EPAS1: variants seen among roughly 807,000 people sequenced by gnomAD.
EPAS1 encodes endothelial PAS domain-containing protein 1.
EPAS1 carries 23 observed loss-of-function variants against 87.9 expected under a neutral mutation model. The ratio of observed to expected loss-of-function variants is 0.26; its 90% CI spans 0.19 to 0.37. The LOEUF (loss-of-function observed/expected upper bound fraction) is 0.37. Among genes scored for constraint, EPAS1 ranks in the 10% least tolerant of loss-of-function variants. The probability of loss-of-function intolerance (pLI) is 1.00; values close to 1 mark genes in which losing one functional copy is unlikely to be tolerated. For missense variants in EPAS1, 1,138 were observed against 1,120.7 expected, an observed-to-expected ratio of 1.02 and a Z score of -0.22; for synonymous variants, 508 against 444.3, an observed-to-expected ratio of 1.14 and a Z score of -1.80.
chr2:46,336,089 G>A (rs139754257), intron 1 of EPAS1, among the ~76,000 whole-genome samples: 26 of 152,316 alleles, frequency 1.7e-4, no homozygotes, highest in Non-Finnish European at 2.9e-4. Context: ...CAGCTGCAGC[G>A]CCTGGGAGAG....
chr2:46,297,766 G>T lies in EPAS1; in HGVS notation c.-146G>T, dbSNP rs1682909637. The T allele has an allele frequency of 7.1e-6, 8 of 1,124,676 alleles. No homozygotes were observed. The allele number at this position is 1,124,676 out of a possible 1,614,324, so 69.7% of individuals were successfully genotyped here. A position where few individuals can be genotyped will look rare whatever the true frequency, so the allele number is the denominator to read the frequency against. On this transcript the variant is annotated 5_prime_UTR_variant, in exon 1 of 16. Coordinates refer to ENST00000263734, the MANE Select transcript of EPAS1 (RefSeq NM_001430.5). ...GCCCGCCGCGCGCCACCTTCCACCT[G>T]ACTGCGCGGGGCGCTCGGGACCTGC...
intron 1 of EPAS1, among the ~76,000 whole-genome samples, chr2:46,312,749 T>C (rs1236767237): frequency 6.6e-6 from 1 of 152,214 alleles, no homozygotes; most frequent in Non-Finnish European, 1.5e-5. Context: ...TTTTTGCCCA[T>C]ACCCTGAGAT....
chr2:46,378,807 T>C, intron 11 of EPAS1, 40 bp downstream of exon 11: 1 of 1,530,642 alleles, frequency 6.5e-7, no homozygotes, highest in Non-Finnish European at 9.1e-7. Flanking sequence ...GTGTGCCTGC[T>C]GTCTGGTGGA....
chr2:46,334,410 G>A (rs111702633), intron 1 of EPAS1, among the ~76,000 whole-genome samples: 2 of 151,974 alleles, frequency 1.3e-5, no homozygotes, highest in African/African-American at 4.8e-5. Context: ...CCTGTCTCCC[G>A]ACCACTGGCA....
chr2:46,376,888 C>T, intron 9 of EPAS1, 135 bp downstream of exon 9: 1 of 879,584 alleles, frequency 1.1e-6, no homozygotes, highest in Non-Finnish European at 1.8e-6. Flanking sequence ...TGTTAATCAC[C>T]TGTTAGAGGC....
At chr2:46,299,069 G>A (rs374060491) in intron 1 of EPAS1, among the ~76,000 whole-genome samples, 1 of 152,266 alleles carries the variant, frequency 6.6e-6, no homozygotes, top group Admixed American at 6.5e-5. Flanking sequence ...GAGGTGCGAG[G>A]ATGAGGAGGA....
intron 4 of EPAS1, among the ~76,000 whole-genome samples, chr2:46,357,434 C>G (rs10176396): frequency 1.3e-5 from 2 of 151,958 alleles, no homozygotes; most frequent in Non-Finnish European, 2.9e-5. Flanking sequence ...CAGAGACTCT[C>G]CCTCTCCATA....
At chr2:46,365,540 T>C (rs1684483398) in intron 6 of EPAS1, among the ~76,000 whole-genome samples, 1 of 152,150 alleles carries the variant, frequency 6.6e-6, no homozygotes, top group Non-Finnish European at 1.5e-5. Context: ...GAGCCATAAG[T>C]GGTAAAACAC....
intron 1 of EPAS1, among the ~76,000 whole-genome samples, chr2:46,320,237 G>A (rs1683427428): frequency 6.6e-6 from 1 of 152,184 alleles, no homozygotes; most frequent in African/African-American, 2.4e-5. Flanking sequence ...TCGGTGTGTG[G>A]AAATTTGTTG....
intron 2 of EPAS1, among the ~76,000 whole-genome samples, chr2:46,355,763 A>G (rs1031072414): frequency 1.3e-4 from 20 of 152,264 alleles, no homozygotes; most frequent in African/African-American, 4.6e-4. Flanking sequence ...TGGTCTGTGT[A>G]TAACAGCCAA....
intron 6 of EPAS1, among the ~76,000 whole-genome samples, chr2:46,366,091 C>T (rs961771145): frequency 8.6e-5 from 13 of 151,726 alleles, no homozygotes; most frequent in Admixed American, 6.6e-4. Context: ...TTGCGTGACT[C>T]CAGGCGGTGG....
chr2:46,337,866 T>A (rs1435611080), intron 1 of EPAS1, among the ~76,000 whole-genome samples: 1 of 152,094 alleles, frequency 6.6e-6, no homozygotes, highest in East Asian at 1.9e-4. Context: ...TTTTTTTTTC[T>A]TTTTCTTTTA....
chr2:46,329,322 C>T (rs910275114), intron 1 of EPAS1, among the ~76,000 whole-genome samples: 1 of 152,106 alleles, frequency 6.6e-6, no homozygotes, highest in Non-Finnish European at 1.5e-5. Flanking sequence ...GCACCTATGC[C>T]GACAGTCCTT....
rs746005141 is a variant in EPAS1 at position 46,313,512 on chromosome 2, C to T, written c.26+15575C>T. 2.6e-4 allele frequency among the ~76,000 whole-genome samples: 39 copies of T among 151,932 alleles called. 1 individual carries two copies. Among genetic ancestry groups the T allele is most frequent in the Admixed American group, 4.6e-4 (7 of 15,240 alleles). On this transcript the variant is annotated intron_variant, in intron 1 of 15. Coordinates refer to ENST00000263734, the MANE Select transcript of EPAS1 (RefSeq NM_001430.5). The stretch of plus-strand genomic sequence containing the variant: ...CTGTCGCCAGGCTGCAGTGCAATGG[C>T]GGGATCTCAGCTCACTGCAACCTCT...
At chr2:46,344,012 T>C (rs1396379684) in intron 1 of EPAS1, among the ~76,000 whole-genome samples, 3 of 152,250 alleles carry the variant, frequency 2.0e-5, no homozygotes, top group Non-Finnish European at 4.4e-5. Context: ...GCTCACTGAC[T>C]ATAAACCCTT....
At chr2:46,348,426 C>T (rs1308189911) in intron 2 of EPAS1, among the ~76,000 whole-genome samples, 1 of 152,158 alleles carries the variant, frequency 6.6e-6, no homozygotes, top group African/African-American at 2.4e-5. Context: ...TTTAAAAAGG[C>T]TTGTCTTACT....
rs72887432 is a variant in EPAS1, at chr2:46,377,493, A to C, written c.1250-401A>C. On this transcript the variant is annotated intron_variant, in intron 9 of 15. Coordinates refer to ENST00000263734, the MANE Select transcript of EPAS1 (RefSeq NM_001430.5). ...CACGTGAGGATTGCAGCTAAAGAGA[A>C]TCTGAAACGCAGCGGGCCCTTGGCC... is the stretch of plus-strand genomic sequence containing the variant. Among the ~76,000 whole-genome samples the C allele has an allele frequency of 3.6e-3, 544 of 152,274 alleles. 5 individuals are homozygous for C. Among genetic ancestry groups the C allele is most frequent in the Middle Eastern group, 0.017 (5 of 294 alleles).
intron 6 of EPAS1, among the ~76,000 whole-genome samples, chr2:46,366,851 G>A (rs1053474066): frequency 4.6e-5 from 7 of 152,238 alleles, no homozygotes; most frequent in Admixed American, 2.6e-4. Flanking sequence ...CCGTAGGAGC[G>A]ACCTTATAAA....
rs370693878 is a variant in EPAS1 at position 46,360,803 on chromosome 2, G to A, written c.573+47G>A. The A allele has an allele frequency of 2.0e-5, 33 of 1,612,268 alleles. No individual in the cohort carries two copies. Among genetic ancestry groups the A allele is most frequent in the East Asian group, 1.6e-4 (7 of 44,878 alleles). ...GTTGGAGTCCCAGGTGTAGGGTAAC[G>A]GCGGTGCAGGGGATGCCTAAGGCCC... On this transcript the variant is annotated intron_variant, in intron 5 of 15. Transcript: ENST00000263734. The surrounding 1 kb of genome is among the most constrained non-coding windows in gnomAD (Gnocchi z 4.5).
Sources: gnomAD v4.1 joint callset for allele counts (sites outside exome capture counted in the v4.1 genomes callset) on GRCh38, gnomAD v4.1.1 for gene constraint, Gnocchi (gnomAD v3.1) non-coding constraint, MANE v1.5 for transcripts, NCBI Gene and HGNC (gene_info 2026-07-23, HGNC 2026-07-21) for gene names.